DEAF1: variants seen among roughly 807,000 people sequenced by gnomAD.
DEAF1 encodes the protein DEAF1 transcription factor.
Under a neutral mutation model 58.9 loss-of-function variants are expected in DEAF1, and 53 were observed. The ratio of observed to expected loss-of-function variants is 0.90; its 90% CI spans 0.72 to 1.13. The LOEUF (loss-of-function observed/expected upper bound fraction) is 1.13. Ranked by LOEUF, DEAF1 falls within the 50% of genes most tolerant of loss-of-function variation. The probability of loss-of-function intolerance (pLI) is 0.00; values close to 1 mark genes in which losing one functional copy is unlikely to be tolerated. For missense variants in DEAF1, 685 were observed against 791.4 expected (o/e 0.87, Z 1.61); for synonymous variants, 385 against 340.4 (o/e 1.13, Z -1.44).
At chr11:701,412 T>C (rs1367634792) in intron 1 of DEAF1, among the ~76,000 whole-genome samples, 9 of 132,208 alleles carry the variant, frequency 6.8e-5, no homozygotes, top group South Asian at 2.7e-4. Flanking sequence ...GTTTCTTTTT[T>C]TTTTTTTTTT....
At chr11:668,084 C>A (rs186103946) in intron 10 of DEAF1, among the ~76,000 whole-genome samples, 1 of 152,126 alleles carries the variant, frequency 6.6e-6, no homozygotes, top group Non-Finnish European at 1.5e-5. Flanking sequence ...TGCACTCCAG[C>A]CTGGAAAACA....
rs562504543 is a variant in DEAF1 at position 658,722 on chromosome 11, C to T, written c.1504-4671G>A. Among the ~76,000 whole-genome samples the T allele has an allele frequency of 8.5e-5, 13 of 152,372 alleles. No individual in the cohort carries two copies. The East Asian group carries it at 2.1e-3, about 25-fold the overall frequency. On this transcript the variant is annotated intron_variant, in intron 10 of 11. Coordinates refer to ENST00000382409, the MANE Select transcript of DEAF1 (RefSeq NM_021008.4). Reference sequence around the variant, plus strand: ...GAGGAGACTGCAGCAGAGCACCCTGCGGGGAGTCCCGCCCAAGCAGCGGGT... The same window carrying T: ...GAGGAGACTGCAGCAGAGCACCCTGTGGGGAGTCCCGCCCAAGCAGCGGGT...
intron 1 of DEAF1, among the ~76,000 whole-genome samples, chr11:692,853 CA>C (rs397953739): frequency 7.2e-4 from 101 of 140,788 alleles, no homozygotes; most frequent in East Asian, 2.3e-3. Context: ...AACTCCGTCT[CA>C]AAAAAAAAAA....
chr11:654,165 CTTTTTTT>C (rs369963488), intron 10 of DEAF1, 114 bp from the exon 11 acceptor site: 14 of 412,032 alleles, frequency 3.4e-5, no homozygotes, highest in Admixed American at 4.4e-5. Flanking sequence ...ATTGGACCCC[CTTTTTTT>C]TTTTTTTTTT....
Position 694,986 on chromosome 11 carries a change from GCCGCCA to G in DEAF1, c.56_61del (p.Val19_Ala20del). ...GGCCGCCGCCGCCACAGCGGCCGCG[GCCGCCA>G]CCGCCGCCGCCTCAGCCAGGCCCAG... On this transcript the variant is annotated inframe_deletion, in exon 1 of 12. Transcript: ENST00000382409. 8.6e-7 allele frequency: 1 copy of G among 1,165,650 alleles called. No homozygotes were observed. The highest frequency in any genetic ancestry group is 1.1e-6 in the Non-Finnish European group (1 of 946,246). The allele number at this position is 1,165,650 out of a possible 1,614,324, so 72.2% of individuals were successfully genotyped here. A position where few individuals can be genotyped will look rare whatever the true frequency, so the allele number is the denominator to read the frequency against.
intron 10 of DEAF1, among the ~76,000 whole-genome samples, chr11:658,552 G>C (rs945214386): frequency 6.6e-6 from 1 of 152,282 alleles, no homozygotes; most frequent in Non-Finnish European, 1.5e-5. Flanking sequence ...GCGCTTTCAG[G>C]AAACTGTCAG....
At chr11:666,324 T>C (rs1375484029) in intron 10 of DEAF1, 1 of 152,082 alleles carries the variant, frequency 6.6e-6, no homozygotes, top group Non-Finnish European at 1.5e-5. Context: ...AACTCTACCA[T>C]ATAAACAGTA....
At chr11:699,149 C>A, upstream of DEAF1, 1 of 497,204 alleles carries the variant, frequency 2.0e-6, no homozygotes, top group Non-Finnish European at 3.6e-6. Context: ...TGGCCACCTG[C>A]CTCTGTCTCG....
At chr11:645,323 TTTG>T (rs1252373556) in intron 11 of DEAF1, among the ~76,000 whole-genome samples, 24 of 152,266 alleles carry the variant, frequency 1.6e-4, no homozygotes, top group South Asian at 1.4e-3. Flanking sequence ...TGGGGGTTTT[TTTG>T]TTGTTTTTCG....
In DEAF1 at chr11:644,607, G is replaced by C. The variant is rs200505316; in HGVS notation, c.1641C>G (p.Thr547=). ...CCACGTGGACTTCGTCTGCCTGGAC[G>C]GTGACAGCTGCTGACTGGCCGCATA... ...QHICGQSAAV[T]VQADEVHVAE... Residue 547 remains threonine (T), a synonymous_variant, in exon 12 of 12, where the codon ACC becomes ACG. Transcript: ENST00000382409. This position sits in a 1 kb window ranked among gnomAD's most constrained non-coding sequence, Gnocchi z 4.3. The C allele has an allele frequency of 6.2e-7, 1 of 1,613,050 alleles. No homozygotes were observed. The highest frequency in any genetic ancestry group is 1.1e-5 in the South Asian group (1 of 91,034).
intron 6 of DEAF1, among the ~76,000 whole-genome samples, chr11:683,091 T>A (rs1860445391): frequency 6.6e-6 from 1 of 152,198 alleles, no homozygotes; most frequent in African/African-American, 2.4e-5. Context: ...TGTACTCCCC[T>A]AGGACAATTT....
At chr11:669,528 T>G (rs1048919363) in intron 10 of DEAF1, among the ~76,000 whole-genome samples, 6 of 150,640 alleles carry the variant, frequency 4.0e-5, no homozygotes, top group African/African-American at 1.5e-4. Flanking sequence ...CTCAGCTACT[T>G]GAGAGGCTGA....
intron 1 of DEAF1, chr11:702,874 A>C: frequency 6.9e-7 from 1 of 1,441,840 alleles, no homozygotes; most frequent in African/African-American, 1.4e-5. Context: ...GCAGCCCTCC[A>C]GGCACCTGTG....
chr11:649,190 G>A (rs540678988), intron 11 of DEAF1, among the ~76,000 whole-genome samples: 1 of 152,294 alleles, frequency 6.6e-6, no homozygotes, highest in South Asian at 2.1e-4. Flanking sequence ...GGCAGAGGCT[G>A]CAGTGAGCCG....
Position 644,325 on chromosome 11 carries a change from G to A in DEAF1, c.*225C>T, listed in dbSNP as rs17758. ...GCAAGACCGGACGCTCATGATCCCA[G>A]GGATAAAAAATCTGTCCGCGAGCGG... On this transcript the variant is annotated 3_prime_UTR_variant, in exon 12 of 12. Transcript: ENST00000382409. The surrounding 1 kb of genome is among the most constrained non-coding windows in gnomAD (Gnocchi z 4.3). The A allele has an allele frequency of 0.021, 13,038 of 612,332 alleles. 194 individuals carry two copies. The highest frequency in any genetic ancestry group is 0.028 in the Non-Finnish European group (9,559 of 340,416). The allele number at this position is 612,332 out of a possible 1,614,324, so 37.9% of individuals were successfully genotyped here.
At chr11:648,196 CTT>C (rs540249896) in intron 11 of DEAF1, among the ~76,000 whole-genome samples, 14 of 123,360 alleles carry the variant, frequency 1.1e-4, no homozygotes, top group Admixed American at 1.8e-4. Context: ...TTATCACTGC[CTT>C]TTTTTTTTTT....
intron 4 of DEAF1, among the ~76,000 whole-genome samples, chr11:687,346 T>G (rs946980012): frequency 2.7e-4 from 41 of 152,348 alleles, no homozygotes; most frequent in African/African-American, 8.2e-4. Flanking sequence ...CCCTCCTGCT[T>G]CTTCTCGCTT....
intron 10 of DEAF1, among the ~76,000 whole-genome samples, chr11:656,547 G>A (rs184372077): frequency 2.0e-5 from 3 of 152,368 alleles, no homozygotes; most frequent in Non-Finnish European, 2.9e-5. Context: ...ATTCTGGGTT[G>A]CTCTGTGGAT....
At chr11:653,792 C>A in intron 11 of DEAF1, 170 bp downstream of exon 11, 1 of 681,236 alleles carries the variant, frequency 1.5e-6, no homozygotes, top group South Asian at 1.6e-5. Context: ...ACATGTGAGC[C>A]TTCTGCAGGG....
Sources: gnomAD v4.1 joint callset for allele counts (sites outside exome capture counted in the v4.1 genomes callset) on GRCh38, gnomAD v4.1.1 for gene constraint, Gnocchi (gnomAD v3.1) non-coding constraint, MANE v1.5 for transcripts, NCBI Gene and HGNC (gene_info 2026-07-23, HGNC 2026-07-21) for gene names.